The following ANKRD36C variants were observed in gnomAD, a reference collection of about 807,000 sequenced individuals.
The protein encoded by ANKRD36C is ankyrin repeat domain-containing protein 36C.
Under a neutral mutation model 276.4 loss-of-function variants are expected in ANKRD36C, and 61 were observed. The observed-to-expected ratio is 0.22, with a 90% CI of 0.18 to 0.27. The LOEUF is 0.27. Among genes scored for constraint, ANKRD36C ranks in the 10% least tolerant of loss-of-function variants. The pLI is 1.00. For synonymous variants in ANKRD36C, 483 were observed against 680.1 expected (o/e 0.71, Z 4.51); for missense variants, 1,447 against 2,032.3 (o/e 0.71, Z 5.54).
At chr2:95,956,523 T>C (rs1327037496) in intron 13 of ANKRD36C, among the ~76,000 whole-genome samples, 2 of 152,256 alleles carry the variant, frequency 1.3e-5, no homozygotes, top group African/African-American at 4.8e-5. Flanking sequence ...GGCAGGATGA[T>C]GGTCAAATCA....
At chr2:95,852,327 A>G (rs1675313387) in intron 64 of ANKRD36C, 131 bp from the exon 85 acceptor site, 1 of 750,636 alleles carries the variant, frequency 1.3e-6, no homozygotes, top group Non-Finnish European at 2.2e-6. Flanking sequence ...AAAGGTCATA[A>G]TCTAGGAGAA....
chr2:95,966,908 T>C (rs1309591262), intron 6 of ANKRD36C, among the ~76,000 whole-genome samples: 1 of 152,206 alleles, frequency 6.6e-6, no homozygotes, highest in Admixed American at 6.5e-5. Flanking sequence ...CTTGCTATTT[T>C]ATTCTCTTTG....
intron 64 of ANKRD36C, chr2:95,853,207 G>A (rs1394678421): frequency 1.3e-5 from 2 of 153,640 alleles, no homozygotes; most frequent in African/African-American, 4.8e-5. Context: ...TGGCCTTTCT[G>A]AACAAATTAA....
At chr2:95,850,930 T>TA (rs1432970686), downstream of ANKRD36C, among the ~76,000 whole-genome samples, 2 of 152,198 alleles carry the variant, frequency 1.3e-5, no homozygotes, top group African/African-American at 4.8e-5. Context: ...AAAAAAGGGA[T>TA]ACACAGACTT....
rs1034370267 is a variant in ANKRD36C, at chr2:95,882,128, T to C, written c.3367+174A>G. Among the ~76,000 whole-genome samples the C allele has an allele frequency of 3.9e-4, 58 of 149,498 alleles. 1 individual carries two copies. Among genetic ancestry groups the C allele is most frequent in the Non-Finnish European group, 7.0e-4 (47 of 67,296 alleles). The stretch of plus-strand genomic sequence containing the variant: ...GTCTATAAGCTTGTTACTAAGATCA[T>C]GGCCAAGGACCAGCAGCATCAACAA... On this transcript the variant is annotated intron_variant, in intron 56 of 66. Transcript: ENST00000456556.
chr2:95,879,321 G>A (rs1255515473), intron 58 of ANKRD36C, among the ~76,000 whole-genome samples: 1 of 152,084 alleles, frequency 6.6e-6, no homozygotes, highest in African/African-American at 2.4e-5. Flanking sequence ...GGGGTGGTAG[G>A]AAATGAGGAT....
intron 5 of ANKRD36C, among the ~76,000 whole-genome samples, chr2:95,979,464 G>T (rs1334615803): frequency 3.3e-5 from 5 of 152,000 alleles, no homozygotes; most frequent in Admixed American, 3.3e-4. Flanking sequence ...CCAATGAATG[G>T]CTTCCTGTGA....
intron 41 of ANKRD36C, 38 bp downstream of exon 43, chr2:95,912,369 C>G: frequency 6.2e-7 from 1 of 1,603,186 alleles, no homozygotes; most frequent in Admixed American, 1.7e-5. Flanking sequence ...ATAGGCTTTA[C>G]GTTTACTAGC....
At chr2:95,933,153 T>C (rs1266960697) in intron 24 of ANKRD36C, among the ~76,000 whole-genome samples, 1 of 152,260 alleles carries the variant, frequency 6.6e-6, no homozygotes, top group Non-Finnish European at 1.5e-5. Context: ...ATCGCTGTTT[T>C]GGTAGCTGTA....
At chr2:95,983,802 G>C (rs565450472) in intron 3 of ANKRD36C, among the ~76,000 whole-genome samples, 3,428 of 150,998 alleles carry the variant, frequency 0.023, 132 homozygotes, top group African/African-American at 0.08. Flanking sequence ...ATTTGTAGTA[G>C]AGAGGGGGTT....
intron 38 of ANKRD36C, among the ~76,000 whole-genome samples, chr2:95,914,768 C>G (rs186585216): frequency 1.3e-5 from 2 of 151,546 alleles, no homozygotes; most frequent in African/African-American, 4.8e-5. Flanking sequence ...GCACACAATT[C>G]CGATGATACT....
chr2:95,910,415 T>C (rs1676879294), intron 42 of ANKRD36C: 6 of 1,556,658 alleles, frequency 3.9e-6, no homozygotes, highest in Non-Finnish European at 5.2e-6. Flanking sequence ...CTGGCTATAC[T>C]CAAAACAGAA....
chr2:95,881,388 G>A (rs1460448295), intron 56 of ANKRD36C, among the ~76,000 whole-genome samples: 1 of 152,042 alleles, frequency 6.6e-6, no homozygotes, highest in Non-Finnish European at 1.5e-5. Flanking sequence ...TTATACATTT[G>A]GAAATCAGTC....
chr2:95,983,192 C>G (rs1252896622), intron 3 of ANKRD36C, among the ~76,000 whole-genome samples: 2 of 151,358 alleles, frequency 1.3e-5, no homozygotes, highest in African/African-American at 4.8e-5. Context: ...TCATTTGAAG[C>G]CTCTCTCTCT....
At chr2:95,897,375 A>T (rs1246036286) in intron 44 of ANKRD36C, 33 bp from the exon 60 acceptor site, 7 of 1,553,290 alleles carry the variant, frequency 4.5e-6, no homozygotes, top group Non-Finnish European at 8.7e-7. Flanking sequence ...TAATAAATTA[A>T]TAAAGTATGT....
At position 95,902,910 on chromosome 2, in the gene ANKRD36C, T is replaced by C. The variant is rs1426604401; in HGVS notation, c.2654-3574A>G. The C allele has an allele frequency of 2.4e-5, 38 of 1,586,912 alleles. 1 individual carries two copies. Among genetic ancestry groups the C allele is most frequent in the African/African-American group, 1.4e-4 (10 of 73,982 alleles). On this transcript the variant is annotated intron_variant, in intron 42 of 66. Transcript: ENST00000456556. Reference sequence around the variant, plus strand: ...CCTCTCCTAGTTTTTTCTCCATACTTTTTTCCTCTGGCTATATTCAAAAGA... The same window carrying C: ...CCTCTCCTAGTTTTTTCTCCATACTCTTTTCCTCTGGCTATATTCAAAAGA...
chr2:95,910,548 C>T lies in ANKRD36C; in HGVS notation c.2653+1696G>A, dbSNP rs1427171759. ...AATGAGAGTTTCATTACCTTCAAGG[C>T]TGGTGGTTTCTGAGAAGACACTGAA... On this transcript the variant is annotated intron_variant, in intron 42 of 66. Transcript: ENST00000456556. 4 of 1,606,380 alleles carry T rather than the reference C, an allele frequency of 2.5e-6. No homozygotes were observed. The African/African-American group carries it at 5.4e-5, about 22-fold the overall frequency.
chr2:95,889,305 ACTT>A (rs1211873344), intron 48 of ANKRD36C, among the ~76,000 whole-genome samples: 1 of 151,494 alleles, frequency 6.6e-6, no homozygotes, highest in African/African-American at 2.4e-5. Flanking sequence ...TACATAAATA[ACTT>A]CTTCTTCTCC....
chr2:95,962,454 T>A, intron 7 of ANKRD36C, 30 bp from the exon 8 acceptor site: 1 of 1,587,190 alleles, frequency 6.3e-7, no homozygotes, highest in Non-Finnish European at 8.6e-7. Flanking sequence ...AAATAATCAA[T>A]ACGTAAAGTA....
Sources: gnomAD v4.1 joint callset for allele counts (sites outside exome capture counted in the v4.1 genomes callset) on GRCh38, gnomAD v4.1.1 for gene constraint, MANE v1.5 for transcripts, NCBI Gene and HGNC (gene_info 2026-07-23, HGNC 2026-07-21) for gene names.